Variants in KCNMA1 observed in about 807,000 individuals in gnomAD.
KCNMA1 encodes the protein Calcium-activated potassium channel subunit alpha-1.
KCNMA1 carries 29 observed loss-of-function variants against 140.0 expected under a neutral mutation model. That is an observed-to-expected ratio of 0.21 (90% confidence interval 0.15 to 0.28). The LOEUF (loss-of-function observed/expected upper bound fraction) is 0.28. Ranked by LOEUF, KCNMA1 falls within the 10% of genes least tolerant of loss-of-function variation. KCNMA1 has a pLI of 1.00. For missense variants in KCNMA1, 880 were observed against 1,602.2 expected, an observed-to-expected ratio of 0.55 and a Z score of 7.70; for synonymous variants, 612 against 611.9, an observed-to-expected ratio of 1.00 and a Z score of 0.00.
intron 1 of KCNMA1, among the ~76,000 whole-genome samples, chr10:77,506,838 AGAGTGTGTGTGT>A (rs2046298935): frequency 8.1e-6 from 1 of 123,874 alleles, no homozygotes; most frequent in African/African-American, 3.9e-5. Flanking sequence ...AGAGAGAGAG[AGAGTGTGTGTGT>A]GTGTGTGTGT....
At chr10:77,519,919 G>A (rs536789508) in intron 1 of KCNMA1, among the ~76,000 whole-genome samples, 31 of 152,180 alleles carry the variant, frequency 2.0e-4, no homozygotes, top group African/African-American at 6.7e-4. Context: ...TATGCAGTGT[G>A]AGGTGTGCAG....
chr10:77,511,593 G>GCA (rs2048421076), intron 1 of KCNMA1, among the ~76,000 whole-genome samples: 1 of 152,148 alleles, frequency 6.6e-6, no homozygotes, highest in Non-Finnish European at 1.5e-5. Flanking sequence ...TAGAATTTCT[G>GCA]TGATGCAGAA....
chr10:76,965,694 C>T (rs2073636389), intron 20 of KCNMA1, among the ~76,000 whole-genome samples: 2 of 152,162 alleles, frequency 1.3e-5, no homozygotes, highest in South Asian at 2.1e-4. Context: ...TTAGGGAAAA[C>T]TTACCTAGAT....
At chr10:77,574,973 A>T (rs1409648806) in intron 1 of KCNMA1, among the ~76,000 whole-genome samples, 1 of 152,170 alleles carries the variant, frequency 6.6e-6, no homozygotes, top group African/African-American at 2.4e-5. Context: ...GGGACCACAG[A>T]TCGTACCACC....
chr10:77,576,881 A>G (rs759230264), intron 1 of KCNMA1, among the ~76,000 whole-genome samples: 1 of 152,154 alleles, frequency 6.6e-6, no homozygotes, highest in Non-Finnish European at 1.5e-5. Flanking sequence ...AATGGCTTAC[A>G]CTGTTTCCCA....
At chr10:77,359,578 C>T (rs955776342) in intron 2 of KCNMA1, among the ~76,000 whole-genome samples, 1 of 152,172 alleles carries the variant, frequency 6.6e-6, no homozygotes, top group African/African-American at 2.4e-5. Flanking sequence ...CATTATGAAA[C>T]CTTAGAAGGC....
At chr10:77,103,321 C>A (rs1425797635) in intron 9 of KCNMA1, among the ~76,000 whole-genome samples, 1 of 152,214 alleles carries the variant, frequency 6.6e-6, no homozygotes, top group African/African-American at 2.4e-5. Flanking sequence ...GGGATACAGG[C>A]TCCTGAGGGT....
At chr10:76,971,178 A>G (rs889943252) in intron 19 of KCNMA1, among the ~76,000 whole-genome samples, 3 of 152,200 alleles carry the variant, frequency 2.0e-5, no homozygotes, top group Admixed American at 6.5e-5. Flanking sequence ...TGACTGCAAC[A>G]CAGACTAGGA....
In KCNMA1 at chr10:77,110,208, G is replaced by A. The variant is rs1453880868; in HGVS notation, c.1096C>T (p.Arg366Cys). ...GDVYAKTTLGRLFMVFFILGG... is the reference protein window; with the variant it reads ...GDVYAKTTLGCLFMVFFILGG... ...AGGATGAAGAAGACCATGAAGAGGC[G>A]CCCAAGTGTGGTTTTTGCATAAACA... The change falls in exon 8 of 28, where the codon CGC becomes TGC. Residue 366 changes from arginine to cysteine, a missense_variant. Arg to Cys is a radical substitution (Grantham distance 180). Around this residue, in one of 13 missense-constraint regions of KCNMA1, gnomAD observed 198 missense variants for 580.1 expected, o/e 0.34. Transcript: ENST00000286628. 5 of 1,613,784 alleles carry A rather than the reference G, an allele frequency of 3.1e-6. No homozygotes were observed. The highest frequency in any genetic ancestry group is 1.7e-5 in the Admixed American group (1 of 59,980).
chr10:77,392,985 C>T (rs543039088), intron 2 of KCNMA1, among the ~76,000 whole-genome samples: 7 of 152,252 alleles, frequency 4.6e-5, no homozygotes, highest in Non-Finnish European at 1.0e-4. Context: ...CCACAACGTA[C>T]AGCTCCAGGG....
rs969287165 is a variant in KCNMA1 at position 77,121,850 on chromosome 10, C to T, written c.809-802G>A. On this transcript the variant is annotated intron_variant, in intron 5 of 27. Transcript: ENST00000286628. ...AGGTGAAATTCATGGTCAAAACATT[C>T]AGTCAGTCCTGGGCTATAATAATTT... Among the ~76,000 whole-genome samples, 8 of 152,224 alleles carry T rather than the reference C, an allele frequency of 5.3e-5. No homozygotes were observed. In the East Asian group the frequency reaches 1.3e-3, roughly 26 times the overall value.
chr10:77,521,415 T>G (rs1011929518), intron 1 of KCNMA1, among the ~76,000 whole-genome samples: 1 of 152,218 alleles, frequency 6.6e-6, no homozygotes, highest in Non-Finnish European at 1.5e-5. Flanking sequence ...GGCAGCAAAG[T>G]GCAAGATTAG....
intron 3 of KCNMA1, among the ~76,000 whole-genome samples, chr10:77,204,188 G>A (rs2043326590): frequency 6.6e-6 from 1 of 152,070 alleles, no homozygotes; most frequent in Non-Finnish European, 1.5e-5. Flanking sequence ...TAGAGGATGA[G>A]GTGCATTCAA....
intron 16 of KCNMA1, among the ~76,000 whole-genome samples, chr10:77,024,557 C>A (rs2093212505): frequency 6.6e-6 from 1 of 151,998 alleles, no homozygotes; most frequent in Admixed American, 6.6e-5. Flanking sequence ...GAACTATTAA[C>A]CCAAAAGTTT....
chr10:76,887,590 C>A (rs2037704886), intron 27 of KCNMA1, 75 bp from the exon 28 acceptor site: 1 of 1,554,262 alleles, frequency 6.4e-7, no homozygotes, highest in Non-Finnish European at 8.9e-7. Context: ...GAACCAAAAG[C>A]AATGGCCTGG....
Position 76,885,733 on chromosome 10 carries a change from T to C in KCNMA1, c.*1533A>G. On this transcript the variant is annotated 3_prime_UTR_variant, in exon 28 of 28. Coordinates refer to ENST00000286628, the MANE Select transcript of KCNMA1 (RefSeq NM_001161352.2). ...GGTGAATTGGCCAGTTTTTAAGAAATACCGCACTGCCTAAAGCATGATTTG... is the reference window on the plus strand; with the variant it reads ...GGTGAATTGGCCAGTTTTTAAGAAACACCGCACTGCCTAAAGCATGATTTG... 1 of 985,306 alleles carries C rather than the reference T, an allele frequency of 1.0e-6. No individual in the cohort carries two copies. The highest frequency in any genetic ancestry group is 1.2e-6 in the Non-Finnish European group (1 of 829,912). The allele number at this position is 985,306 out of a possible 1,614,324, so 61.0% of individuals were successfully genotyped here.
At position 76,885,073 on chromosome 10, in the gene KCNMA1, T is replaced by C; in HGVS notation, c.*2193A>G. Reference sequence around the variant, plus strand: ...TTACAATGCTTTTAAACTGTCATATTTCCTGTTGAGCACTTTAACTGGCAC... The same window carrying C: ...TTACAATGCTTTTAAACTGTCATATCTCCTGTTGAGCACTTTAACTGGCAC... On this transcript the variant is annotated 3_prime_UTR_variant, in exon 28 of 28. Coordinates refer to ENST00000286628, the MANE Select transcript of KCNMA1 (RefSeq NM_001161352.2). The C allele has an allele frequency of 6.5e-7, 1 of 1,544,780 alleles. No individual in the cohort carries two copies. The highest frequency in any genetic ancestry group is 8.7e-7 in the Non-Finnish European group (1 of 1,144,704).
intron 1 of KCNMA1, among the ~76,000 whole-genome samples, chr10:77,439,548 GC>G (rs2097350632): frequency 6.6e-6 from 1 of 152,138 alleles, no homozygotes; most frequent in East Asian, 1.9e-4. Context: ...CTGGCTCAAA[GC>G]AGGGAGAGAT....
At chr10:77,527,451 G>A (rs1171587526) in intron 1 of KCNMA1, among the ~76,000 whole-genome samples, 1 of 152,220 alleles carries the variant, frequency 6.6e-6, no homozygotes, top group Non-Finnish European at 1.5e-5. Flanking sequence ...GTCACAGGGG[G>A]AGAGGGGAAG....
Sources: allele counts gnomAD v4.1 joint callset (sites outside exome capture counted in the v4.1 genomes callset), GRCh38; gene constraint gnomAD v4.1.1; regional missense constraint gnomAD v4.1.1; transcripts MANE v1.5; gene names NCBI Gene and HGNC (gene_info 2026-07-23, HGNC 2026-07-21).